Variants in CDKL3 observed in about 807,000 individuals in gnomAD.
CDKL3 encodes cyclin dependent kinase like 3.
In CDKL3, 65 loss-of-function variants were observed where a neutral mutation model predicts 69.3. The ratio of observed to expected loss-of-function variants is 0.94; its 90% CI spans 0.77 to 1.15. The LOEUF (loss-of-function observed/expected upper bound fraction) is 1.15. CDKL3 is among the 50% of genes most tolerant of loss of function. The probability of loss-of-function intolerance (pLI) is 0.00; values close to 1 mark genes in which losing one functional copy is unlikely to be tolerated. For synonymous variants in CDKL3, 202 were observed against 221.6 expected (o/e 0.91, Z 0.79); for missense variants, 652 against 689.2 (o/e 0.95, Z 0.61).
chr5:134,313,906 AGAGGGTGGATCACCT>A (rs1770278076), intron 6 of CDKL3, among the ~76,000 whole-genome samples: 1 of 151,954 alleles, frequency 6.6e-6, no homozygotes, highest in South Asian at 2.1e-4. Flanking sequence ...GGGGGGCAAC[AGAGGGTGGATCACCT>A]GAGGTTGGGA....
At chr5:134,351,489 C>G (rs971774475) in intron 3 of CDKL3, among the ~76,000 whole-genome samples, 1 of 152,176 alleles carries the variant, frequency 6.6e-6, no homozygotes, top group African/African-American at 2.4e-5. Context: ...TCAAAGCTCA[C>G]TGCAGCCTCA....
At chr5:134,368,526 G>A (rs1258821621), upstream of CDKL3, among the ~76,000 whole-genome samples, 2 of 148,704 alleles carry the variant, frequency 1.3e-5, no homozygotes, top group East Asian at 4.0e-4. Flanking sequence ...GGCGGAGGCA[G>A]GAGAATGGCG....
chr5:134,295,530 G>A (rs765359303), downstream of CDKL3, among the ~76,000 whole-genome samples: 12 of 152,242 alleles, frequency 7.9e-5, no homozygotes, highest in Middle Eastern at 6.8e-3. Flanking sequence ...TTCCCTAGAG[G>A]AGCAATTACT....
At chr5:134,345,032 T>G (rs981193532) in intron 4 of CDKL3, among the ~76,000 whole-genome samples, 1 of 151,976 alleles carries the variant, frequency 6.6e-6, no homozygotes, top group Non-Finnish European at 1.5e-5. Context: ...GCCACTGCAC[T>G]CCAGCCTGGG....
intron 4 of CDKL3, among the ~76,000 whole-genome samples, chr5:134,341,119 A>G (rs1414381641): frequency 3.3e-5 from 5 of 152,210 alleles, no homozygotes; most frequent in Non-Finnish European, 5.9e-5. Context: ...ATAGACAAAG[A>G]AAAAACATTT....
At chr5:134,283,951 A>G (rs1764738522), downstream of CDKL3, among the ~76,000 whole-genome samples, 1 of 152,212 alleles carries the variant, frequency 6.6e-6, no homozygotes, top group Admixed American at 6.5e-5. Flanking sequence ...CCAGTGGAGC[A>G]GTCAATTATT....
At chr5:134,371,439 G>C, upstream of CDKL3, 1 of 942,006 alleles carries the variant, frequency 1.1e-6, no homozygotes, top group Non-Finnish European at 1.6e-6. Flanking sequence ...GGAGGCGGCG[G>C]AGGGAGACGT....
intron 4 of CDKL3, among the ~76,000 whole-genome samples, chr5:134,330,819 G>A (rs752584803): frequency 6.6e-6 from 1 of 152,184 alleles, no homozygotes; most frequent in Non-Finnish European, 1.5e-5. Flanking sequence ...CAAGCAAAAT[G>A]CCTTGAGCAT....
intron 10 of CDKL3, among the ~76,000 whole-genome samples, chr5:134,304,859 G>A (rs1013330114): frequency 4.7e-5 from 7 of 148,834 alleles, no homozygotes; most frequent in Non-Finnish European, 8.9e-5. Flanking sequence ...ATTATTTTGA[G>A]TGCATTGGCA....
chr5:134,365,929 C>T (rs1172811907), intron 2 of CDKL3, among the ~76,000 whole-genome samples: 1 of 152,184 alleles, frequency 6.6e-6, no homozygotes, highest in South Asian at 2.1e-4. Context: ...AAAAACTTTC[C>T]CTACCAGGGA....
At chr5:134,348,263 G>C (rs1459015306) in intron 4 of CDKL3, among the ~76,000 whole-genome samples, 1 of 152,122 alleles carries the variant, frequency 6.6e-6, no homozygotes, top group Non-Finnish European at 1.5e-5. Context: ...ATAAAAATCA[G>C]TATCGTGGTT....
At chr5:134,371,477 C>T, upstream of CDKL3, 4 of 1,160,860 alleles carry the variant, frequency 3.4e-6, no homozygotes, top group Non-Finnish European at 4.7e-6. Flanking sequence ...TCAGTCTCGG[C>T]GGCGGCGGCG....
Position 134,367,150 on chromosome 5 carries a change from G to A in CDKL3, c.-195C>T, listed in dbSNP as rs1757634789. ...ACCGGCCACTTGCCACCATGGAAAC[G>A]CCGGCGGAGTTGCTGCGTTCTAGAC... is the stretch of plus-strand genomic sequence containing the variant. On this transcript the variant is annotated 5_prime_UTR_variant, in exon 1 of 13. Coordinates refer to ENST00000265334, the MANE Select transcript of CDKL3 (RefSeq NM_001113575.2). The A allele has an allele frequency of 1.0e-6, 1 of 985,654 alleles. No individual in the cohort carries two copies. Among genetic ancestry groups the A allele is most frequent in the Non-Finnish European group, 1.2e-6 (1 of 830,128 alleles). The allele number at this position is 985,654 out of a possible 1,614,324, so 61.1% of individuals were successfully genotyped here. A position where few individuals can be genotyped will look rare whatever the true frequency, so the allele number is the denominator to read the frequency against.
chr5:134,312,648 A>G (rs1005710708), intron 6 of CDKL3, among the ~76,000 whole-genome samples: 16 of 152,246 alleles, frequency 1.1e-4, no homozygotes, highest in African/African-American at 3.9e-4. Flanking sequence ...TGAAATTAGC[A>G]AAAATTAATT....
rs539857637 is a variant in CDKL3 at position 134,365,727 on chromosome 5, C to A, written c.165+632G>T. Among the ~76,000 whole-genome samples the A allele has an allele frequency of 3.9e-5, 6 of 152,326 alleles. No homozygotes were observed. In the South Asian group the frequency reaches 1.0e-3, roughly 26 times the overall value. On this transcript the variant is annotated intron_variant, in intron 2 of 12. Coordinates refer to ENST00000265334, the MANE Select transcript of CDKL3 (RefSeq NM_001113575.2). ...ATTTACTGTTCTAATATACCTCTTT[C>A]CAATTCTGCTCAGAAAACTCTACAG...
chr5:134,332,775 G>A (rs1258485692), intron 4 of CDKL3, among the ~76,000 whole-genome samples: 1 of 152,134 alleles, frequency 6.6e-6, no homozygotes, highest in Admixed American at 6.5e-5. Context: ...TTGGCTATGC[G>A]GGCTCTTTTT....
chr5:134,292,451 C>A (rs965004003), intron 8 of CDKL3, among the ~76,000 whole-genome samples: 6 of 151,928 alleles, frequency 3.9e-5, no homozygotes, highest in African/African-American at 1.5e-4. Flanking sequence ...TTGTAGGAAG[C>A]AGCTATAAAA....
chr5:134,293,267 G>A (rs1030390256), intron 8 of CDKL3, among the ~76,000 whole-genome samples: 51 of 151,844 alleles, frequency 3.4e-4, no homozygotes, highest in East Asian at 2.5e-3. Context: ...TGATCTGCCC[G>A]CCTCGGCCTC....
chr5:134,302,149 A>G, intron 12 of CDKL3: 1 of 456,352 alleles, frequency 2.2e-6, no homozygotes, highest in South Asian at 1.5e-5. Context: ...CCTGATAGTT[A>G]GCTGAGAGCA....
Sources: gnomAD v4.1 joint callset for allele counts (sites outside exome capture counted in the v4.1 genomes callset) on GRCh38, gnomAD v4.1.1 for gene constraint, MANE v1.5 for transcripts, NCBI Gene and HGNC (gene_info 2026-07-23, HGNC 2026-07-21) for gene names.